Variants in STK31 observed in about 807,000 individuals in gnomAD.
The protein encoded by STK31 is serine/threonine-protein kinase 31.
Under a neutral mutation model 129.7 loss-of-function variants are expected in STK31, and 89 were observed. That is an observed-to-expected ratio of 0.69 (90% CI 0.58 to 0.82). The LOEUF is 0.82. Ranked by LOEUF, STK31 falls within the 40% of genes least tolerant of loss-of-function variation. The pLI is 0.00. For synonymous variants in STK31, 448 were observed against 395.3 expected (o/e 1.13, Z -1.58); for missense variants, 1,187 against 1,176.4 (o/e 1.01, Z -0.13).
intron 15 of STK31, among the ~76,000 whole-genome samples, chr7:23,779,899 GC>G (rs1790808638): frequency 6.6e-6 from 1 of 152,182 alleles, no homozygotes; most frequent in Admixed American, 6.5e-5. Context: ...AAATATTCCA[GC>G]AGCTAGCTCG....
chr7:23,713,984 A>G (rs1046290039), intron 3 of STK31, among the ~76,000 whole-genome samples: 8 of 152,196 alleles, frequency 5.3e-5, no homozygotes, highest in Admixed American at 6.5e-5. Context: ...GTAGGTTTAC[A>G]CCAGCATCAC....
intron 15 of STK31, among the ~76,000 whole-genome samples, chr7:23,779,912 TGTCTGCCCAAAC>T (rs1360991619): frequency 2.6e-5 from 4 of 152,168 alleles, no homozygotes; most frequent in African/African-American, 4.8e-5. Context: ...GCTAGCTCGG[TGTCTGCCCAAAC>T]GTCTGCCCAG....
intron 4 of STK31, among the ~76,000 whole-genome samples, chr7:23,725,372 C>CA (rs57280021): frequency 0.27 from 15,744 of 57,838 alleles, 3,485 homozygotes; most frequent in African/African-American, 0.41. Flanking sequence ...CCTGTTTCTA[C>CA]AAAAAAAAAA....
rs1269775745 is a variant in STK31 at position 23,832,151 on chromosome 7, TC to T, written c.2848del (p.Leu950SerfsTer5). On this transcript the variant is annotated frameshift_variant, in exon 24 of 24. Transcript: ENST00000355870. LOFTEE classifies it high-confidence loss of function. ...DQFHLDDKVK[S>X]LLCSLICYRS... ...TTCCTTGCAGGATGATAAAGTCAAA[TC>T]CCTCCTCTGTAGCTTGATATGTTAT... 6.2e-7 allele frequency: 1 copy of T among 1,613,368 alleles called. No individual in the cohort carries two copies.
chr7:23,819,439 A>G (rs1369187962), intron 23 of STK31, among the ~76,000 whole-genome samples: 16 of 148,566 alleles, frequency 1.1e-4, no homozygotes, highest in Admixed American at 1.0e-3. Context: ...TTTTTTTGAG[A>G]CAGTCTTGCT....
At chr7:23,796,918 T>A (rs948929006) in intron 22 of STK31, among the ~76,000 whole-genome samples, 9 of 145,332 alleles carry the variant, frequency 6.2e-5, no homozygotes, top group African/African-American at 2.2e-4. Context: ...TGGAGGAATA[T>A]TTACCAAGAT....
intron 17 of STK31, among the ~76,000 whole-genome samples, 200 bp downstream of exon 17, chr7:23,783,863 TTA>T (rs1791089483): frequency 6.6e-6 from 1 of 152,236 alleles, no homozygotes; most frequent in Non-Finnish European, 1.5e-5. Context: ...TAAATTTGCA[TTA>T]TCCGTTTTTC....
chr7:23,752,984 T>C (rs1242515663), intron 9 of STK31, 152 bp downstream of exon 9: 1 of 605,130 alleles, frequency 1.7e-6, no homozygotes, highest in African/African-American at 1.9e-5. Flanking sequence ...ATTTCTGAGA[T>C]GAATTTTATA....
At chr7:23,794,114 GAGAA>G (rs1269824374) in intron 22 of STK31, among the ~76,000 whole-genome samples, 11 of 152,174 alleles carry the variant, frequency 7.2e-5, no homozygotes, top group Admixed American at 6.5e-4. Context: ...ATTCTGCCAA[GAGAA>G]AGAAGCCAGA....
chr7:23,804,180 A>C (rs182180441), intron 22 of STK31, among the ~76,000 whole-genome samples: 1 of 152,202 alleles, frequency 6.6e-6, no homozygotes, highest in African/African-American at 2.4e-5. Context: ...GATCTCCCAA[A>C]GTGCTGGGAT....
rs1212281560 is a variant in STK31, at chr7:23,734,447, G to T, written c.484-1091G>T. On this transcript the variant is annotated intron_variant, in intron 6 of 23. Transcript: ENST00000355870. ...TAGAGAAATTTGGGAAGAGCAGTTA[G>T]ATTGTGTCAAAGTAATTTTAGTAAT... 2.0e-5 allele frequency among the ~76,000 whole-genome samples: 3 copies of T among 152,222 alleles called. No individual in the cohort carries two copies. In the East Asian group the frequency reaches 5.8e-4, roughly 29 times the overall value.
At chr7:23,749,235 G>A (rs1192546621) in intron 8 of STK31, among the ~76,000 whole-genome samples, 1 of 152,006 alleles carries the variant, frequency 6.6e-6, no homozygotes, top group African/African-American at 2.4e-5. Context: ...TTCATTGTCT[G>A]ATAATTCCAA....
At chr7:23,808,150 A>AAT (rs569815420) in intron 22 of STK31, among the ~76,000 whole-genome samples, 24,849 of 130,584 alleles carry the variant, frequency 0.19, 2,257 homozygotes, top group African/African-American at 0.24. Flanking sequence ...AATCCTTTTT[A>AAT]ATATATATAT....
rs1790065155 is a variant in STK31, at chr7:23,769,675, A to G, written c.1632A>G (p.Ser544=). The G allele has an allele frequency of 1.2e-6, 2 of 1,611,988 alleles. No homozygotes were observed. Among genetic ancestry groups the G allele is most frequent in the Non-Finnish European group, 1.7e-6 (2 of 1,178,836 alleles). ...FDLSVEGSLI[S]EDAMDNIDEI... Reference sequence around the variant, plus strand: ...TATCTGTGGAAGGATCACTGATTTCAGAAGACGCAATGGATAATATTGATG... The same window carrying G: ...TATCTGTGGAAGGATCACTGATTTCGGAAGACGCAATGGATAATATTGATG... Residue 544 remains serine, a synonymous_variant, in exon 13 of 24, where the codon TCA becomes TCG. Transcript: ENST00000355870.
rs552902452 is a variant in STK31, at chr7:23,829,613, T to C, written c.2830-2523T>C. Among the ~76,000 whole-genome samples the C allele has an allele frequency of 2.3e-4, 35 of 152,314 alleles. No homozygotes were observed. In the South Asian group the frequency reaches 4.6e-3, roughly 20 times the overall value. On this transcript the variant is annotated intron_variant, in intron 23 of 23. Transcript: ENST00000355870. ...TTGTTGTTGTTGTGTCCTTGTCTGG[T>C]TTTGGTATCAAGGTAATGGTGGGCT...
intron 22 of STK31, among the ~76,000 whole-genome samples, chr7:23,794,652 G>T (rs368047832): frequency 1.1e-4 from 17 of 152,300 alleles, no homozygotes; most frequent in African/African-American, 4.1e-4. Flanking sequence ...TGAGCAAAAT[G>T]CTGATAGTGA....
chr7:23,712,032 A>T, intron 1 of STK31, 67 bp from the exon 2 acceptor site: 1 of 1,286,090 alleles, frequency 7.8e-7, no homozygotes, highest in Non-Finnish European at 1.1e-6. Context: ...ATTGAACATG[A>T]TGTAGTTTAG....
At chr7:23,786,748 A>G (rs754207390) in intron 19 of STK31, 90 bp from the exon 20 acceptor site, 49 of 1,542,224 alleles carry the variant, frequency 3.2e-5, no homozygotes, top group Non-Finnish European at 4.2e-5. Context: ...CCTTAACATA[A>G]AAGAAAAATT....
At chr7:23,795,662 C>T (rs1791907202) in intron 22 of STK31, among the ~76,000 whole-genome samples, 1 of 152,204 alleles carries the variant, frequency 6.6e-6, no homozygotes, top group Non-Finnish European at 1.5e-5. Context: ...AGAAGCGGGG[C>T]TGTAGCCTGC....
Sources: allele counts gnomAD v4.1 joint callset (sites outside exome capture counted in the v4.1 genomes callset), GRCh38; gene constraint gnomAD v4.1.1; transcripts MANE v1.5; gene names NCBI Gene and HGNC (gene_info 2026-07-23, HGNC 2026-07-21).